The following RBFOX1 variants were observed in gnomAD, a reference collection of about 807,000 sequenced individuals.
RBFOX1 encodes RNA binding fox-1 homolog 1.
A neutral mutation model predicts 57.7 loss-of-function variants in RBFOX1; 8 were observed. That is an observed-to-expected ratio of 0.14 (90% CI 0.08 to 0.25). The LOEUF is 0.25. Ranked by LOEUF, RBFOX1 falls within the 10% of genes least tolerant of loss-of-function variation. RBFOX1 has a pLI of 1.00. For missense variants in RBFOX1, 611 were observed against 548.5 expected (o/e 1.11, Z -1.14); for synonymous variants, 326 against 222.4 (o/e 1.47, Z -4.15).
intron 1 of RBFOX1, among the ~76,000 whole-genome samples, chr16:5,250,806 C>T (rs1308051378): frequency 5.3e-5 from 8 of 152,160 alleles, no homozygotes; most frequent in Admixed American, 4.6e-4. Context: ...TCCGCCTTTT[C>T]CCAGTCACAG....
intron 4 of RBFOX1, among the ~76,000 whole-genome samples, chr16:7,391,035 G>A (rs977376600): frequency 6.6e-6 from 1 of 152,172 alleles, no homozygotes; most frequent in Admixed American, 6.5e-5. Context: ...AGGCTCATTG[G>A]TAAGCCTTGT....
At chr16:7,244,154 C>G (rs1322568513) in intron 4 of RBFOX1, among the ~76,000 whole-genome samples, 1 of 149,772 alleles carries the variant, frequency 6.7e-6, no homozygotes, top group Non-Finnish European at 1.5e-5. Flanking sequence ...AAGGGTAACT[C>G]CAGAGAAAAA....
chr16:6,869,806 G>T (rs781371263), intron 3 of RBFOX1, among the ~76,000 whole-genome samples: 4 of 152,132 alleles, frequency 2.6e-5, no homozygotes, highest in Admixed American at 6.5e-5. Flanking sequence ...CTTAATTCTG[G>T]TTGGTTTTGA....
chr16:7,286,613 C>G (rs2095656341), intron 4 of RBFOX1, among the ~76,000 whole-genome samples: 1 of 139,790 alleles, frequency 7.2e-6, no homozygotes, highest in Non-Finnish European at 1.5e-5. Context: ...CCAGGACTGG[C>G]TAATTTTTTT....
At chr16:5,632,965 G>C (rs986948989) in intron 3 of RBFOX1, among the ~76,000 whole-genome samples, 2 of 142,146 alleles carry the variant, frequency 1.4e-5, no homozygotes, top group African/African-American at 5.4e-5. Context: ...TTGAGGTGGA[G>C]TCTCACTCTG....
chr16:5,390,138 C>T (rs916081664), intron 1 of RBFOX1, among the ~76,000 whole-genome samples: 6 of 152,046 alleles, frequency 3.9e-5, no homozygotes, highest in Admixed American at 2.6e-4. Flanking sequence ...CTGATGAAGT[C>T]GCACCCAGGT....
At chr16:5,801,885 G>A (rs74004607) in intron 3 of RBFOX1, among the ~76,000 whole-genome samples, 1,669 of 152,276 alleles carry the variant, frequency 0.011, 37 homozygotes, top group African/African-American at 0.038. Flanking sequence ...ATGCAGGGCA[G>A]CTCTATATTA....
intron 3 of RBFOX1, among the ~76,000 whole-genome samples, chr16:6,912,288 A>C (rs1235125328): frequency 2.0e-5 from 3 of 152,176 alleles, no homozygotes; most frequent in Non-Finnish European, 2.9e-5. Flanking sequence ...TGCTGTGCTC[A>C]GCCCCAGATT....
chr16:6,543,505 G>C (rs565667784), intron 2 of RBFOX1, among the ~76,000 whole-genome samples: 2 of 152,224 alleles, frequency 1.3e-5, no homozygotes, highest in East Asian at 1.9e-4. Flanking sequence ...TTCCCTCTCT[G>C]AGATCTTTCC....
At chr16:5,905,064 CTTTTTTTTT>C (rs57349384) in intron 4 of RBFOX1, among the ~76,000 whole-genome samples, 990 of 78,492 alleles carry the variant, frequency 0.013, 11 homozygotes, top group Admixed American at 0.027. Flanking sequence ...ATGACTGGTG[CTTTTTTTTT>C]TTTTTTTTTT....
intron 10 of RBFOX1, among the ~76,000 whole-genome samples, chr16:7,616,645 C>T (rs1344687044): frequency 6.6e-6 from 1 of 152,118 alleles, no homozygotes; most frequent in Non-Finnish European, 1.5e-5. Context: ...TTCACTGCAA[C>T]CTCTGCCTCC....
chr16:6,181,474 C>G (rs2097062081), intron 1 of RBFOX1, among the ~76,000 whole-genome samples: 1 of 152,182 alleles, frequency 6.6e-6, no homozygotes, highest in African/African-American at 2.4e-5. Context: ...AGGATTATTG[C>G]TATTTGGAGA....
chr16:7,459,928 G>A (rs1417126755), intron 4 of RBFOX1, among the ~76,000 whole-genome samples: 1 of 151,936 alleles, frequency 6.6e-6, no homozygotes, highest in Non-Finnish European at 1.5e-5. Flanking sequence ...CAGAAATTAT[G>A]TTTTAATAGT....
At chr16:6,114,148 A>G (rs2096474611) in intron 1 of RBFOX1, among the ~76,000 whole-genome samples, 1 of 152,190 alleles carries the variant, frequency 6.6e-6, no homozygotes, top group South Asian at 2.1e-4. Flanking sequence ...TTGTGTTATT[A>G]CAGAATGATC....
chr16:5,879,156 C>T (rs1263343267), intron 4 of RBFOX1, among the ~76,000 whole-genome samples: 3 of 152,106 alleles, frequency 2.0e-5, no homozygotes, highest in Non-Finnish European at 4.4e-5. Flanking sequence ...GGAGAGAATG[C>T]TGTATGGAAA....
At chr16:5,360,390 A>G (rs752679716) in intron 1 of RBFOX1, among the ~76,000 whole-genome samples, 5 of 152,192 alleles carry the variant, frequency 3.3e-5, no homozygotes, top group African/African-American at 9.7e-5. Context: ...TTGAAACTCA[A>G]TGTGCACGTG....
chr16:7,565,913 A>G (rs1207598273), intron 5 of RBFOX1, among the ~76,000 whole-genome samples: 1 of 152,002 alleles, frequency 6.6e-6, no homozygotes, highest in East Asian at 1.9e-4. Context: ...CTGGGTTTCT[A>G]CACCGTGATG....
At chr16:7,090,543 G>A (rs904665958) in intron 4 of RBFOX1, among the ~76,000 whole-genome samples, 1 of 152,178 alleles carries the variant, frequency 6.6e-6, no homozygotes, top group African/African-American at 2.4e-5. Context: ...TGCTTAATAT[G>A]TCCATCATTT....
intron 2 of RBFOX1, among the ~76,000 whole-genome samples, chr16:6,463,593 TCAGA>T (rs1236416519): frequency 6.6e-6 from 1 of 152,132 alleles, no homozygotes; most frequent in Non-Finnish European, 1.5e-5. Context: ...GTATTGACTT[TCAGA>T]CAGGAAAACC....
Sources: allele counts gnomAD v4.1 joint callset (sites outside exome capture counted in the v4.1 genomes callset), GRCh38; gene constraint gnomAD v4.1.1; transcripts MANE v1.5; gene names NCBI Gene and HGNC (gene_info 2026-07-23, HGNC 2026-07-21).